The following CTNND2 variants were observed in gnomAD, a reference collection of about 807,000 sequenced individuals.
The protein encoded by CTNND2 is catenin delta 2.
In CTNND2, 22 loss-of-function variants were observed where a neutral mutation model predicts 144.4. That is an observed-to-expected ratio of 0.15 (90% CI 0.11 to 0.22). The LOEUF (loss-of-function observed/expected upper bound fraction) is 0.22, where lower values mean the gene tolerates loss of function less well. Among genes scored for constraint, CTNND2 ranks in the 10% least tolerant of loss-of-function variants. The pLI is 1.00. For missense variants in CTNND2, 1,353 were observed against 1,618.8 expected (o/e 0.84, Z 2.82); for synonymous variants, 751 against 695.6 (o/e 1.08, Z -1.25).
At position 10,988,154 on chromosome 5, in the gene CTNND2, G is replaced by A. The variant is rs376784475; in HGVS notation, c.3300C>T (p.His1100=). The A allele has an allele frequency of 3.3e-5, 54 of 1,614,108 alleles. No individual in the cohort carries two copies. The African/African-American group carries it at 4.0e-4, about 12-fold the overall frequency. Residue 1100 remains histidine (H), a synonymous_variant, in exon 20 of 22, where the codon CAC becomes CAT. Coordinates refer to ENST00000304623, the MANE Select transcript of CTNND2 (RefSeq NM_001332.4). This position sits in a 1 kb window ranked among gnomAD's most constrained non-coding sequence, Gnocchi z 5.9. ...YECTGSNATY[H]GAKGEHTSRK... ...TGGAAGTGTGTTCGCCTTTAGCTCC[G>A]TGGTAGGTGGCGTTGCTGCCGGTGC...
chr5:11,772,007 T>C (rs1250071932), intron 1 of CTNND2, among the ~76,000 whole-genome samples: 2 of 152,214 alleles, frequency 1.3e-5, no homozygotes, highest in Non-Finnish European at 2.9e-5. Flanking sequence ...TACTTCATTG[T>C]TTTATGAGGC....
At chr5:11,521,998 C>T (rs1309506507) in intron 3 of CTNND2, among the ~76,000 whole-genome samples, 1 of 152,132 alleles carries the variant, frequency 6.6e-6, no homozygotes, top group African/African-American at 2.4e-5. Context: ...TGAGACCAGC[C>T]TCACAGAGCA....
At chr5:11,280,093 C>A (rs1406157541) in intron 9 of CTNND2, among the ~76,000 whole-genome samples, 1 of 152,154 alleles carries the variant, frequency 6.6e-6, no homozygotes, top group Non-Finnish European at 1.5e-5. Context: ...CCCAGCCACA[C>A]TGAATTTTAA....
At chr5:11,287,029 G>A (rs1430569138) in intron 9 of CTNND2, among the ~76,000 whole-genome samples, 1 of 152,056 alleles carries the variant, frequency 6.6e-6, no homozygotes, top group African/African-American at 2.4e-5. Context: ...ACACCCACAT[G>A]GATAAATCTC....
chr5:11,901,459 C>A, intron 1 of CTNND2, among the ~76,000 whole-genome samples: 1 of 152,268 alleles, frequency 6.6e-6, no homozygotes. Context: ...ATTTTTGTCT[C>A]TGATGAACAA....
intron 1 of CTNND2, among the ~76,000 whole-genome samples, chr5:11,783,319 C>A (rs984151032): frequency 6.6e-6 from 1 of 152,114 alleles, no homozygotes; most frequent in Admixed American, 6.5e-5. Flanking sequence ...TTCATCTTGA[C>A]AGCTCTCCCC....
intron 16 of CTNND2, among the ~76,000 whole-genome samples, chr5:11,049,495 C>T (rs1024615): frequency 0.019 from 2,819 of 152,230 alleles, 97 homozygotes; most frequent in African/African-American, 0.064. Flanking sequence ...GTAAGGCTTG[C>T]CAAATGTGTT....
chr5:11,237,677 G>T (rs1741796388), intron 9 of CTNND2, among the ~76,000 whole-genome samples: 1 of 152,098 alleles, frequency 6.6e-6, no homozygotes, highest in African/African-American at 2.4e-5. Context: ...AAATGGATCA[G>T]GTATAGAGGT....
At chr5:11,750,009 T>G (rs918583376) in intron 1 of CTNND2, among the ~76,000 whole-genome samples, 1 of 152,016 alleles carries the variant, frequency 6.6e-6, no homozygotes, top group Non-Finnish European at 1.5e-5. Flanking sequence ...TCTGGGCAAG[T>G]GCTCACACTG....
intron 15 of CTNND2, among the ~76,000 whole-genome samples, chr5:11,093,566 AGAGT>A (rs1179334558): frequency 7.2e-5 from 11 of 152,296 alleles, no homozygotes; most frequent in African/African-American, 2.2e-4. Context: ...TCACAGAAAA[AGAGT>A]GTGCATGATC....
At chr5:11,726,469 T>C (rs1787024907) in intron 2 of CTNND2, among the ~76,000 whole-genome samples, 1 of 152,186 alleles carries the variant, frequency 6.6e-6, no homozygotes, top group East Asian at 1.9e-4. Context: ...TTGTGGTGAA[T>C]TTTCAAAATA....
Position 11,567,405 on chromosome 5 carries a change from A to T in CTNND2, c.175-2349T>A, listed in dbSNP as rs142327248. Among the ~76,000 whole-genome samples, 321 of 152,168 alleles carry T rather than the reference A, an allele frequency of 2.1e-3. 2 individuals carry two copies. Among genetic ancestry groups the T allele is most frequent in the African/African-American group, 7.2e-3 (299 of 41,528 alleles). On this transcript the variant is annotated intron_variant, in intron 2 of 21. Coordinates refer to ENST00000304623, the MANE Select transcript of CTNND2 (RefSeq NM_001332.4). ...AGATTCCAGCATATCTGAACATTTT[A>T]GGCCATTATTTCTTTATGAATTGTT...
At chr5:11,262,713 G>A (rs1171358874) in intron 9 of CTNND2, among the ~76,000 whole-genome samples, 3 of 121,240 alleles carry the variant, frequency 2.5e-5, no homozygotes, top group African/African-American at 9.7e-5. Context: ...AGTGAGTCGA[G>A]ACCGCACCAC....
At chr5:11,406,390 T>G (rs543494612) in intron 5 of CTNND2, among the ~76,000 whole-genome samples, 262 of 152,288 alleles carry the variant, frequency 1.7e-3, no homozygotes, top group African/African-American at 6.0e-3. Flanking sequence ...CCTTTTTCCC[T>G]GACCATGACT....
intron 1 of CTNND2, among the ~76,000 whole-genome samples, chr5:11,754,362 T>G (rs962392637): frequency 1.3e-5 from 2 of 151,414 alleles, no homozygotes; most frequent in Admixed American, 6.6e-5. Flanking sequence ...CCAGAAATTC[T>G]GATATGTTTT....
chr5:11,891,149 G>A (rs983526979), intron 1 of CTNND2, among the ~76,000 whole-genome samples: 1 of 152,160 alleles, frequency 6.6e-6, no homozygotes, highest in Non-Finnish European at 1.5e-5. Context: ...CACTTAAAAA[G>A]GAACTCTGGA....
chr5:11,745,408 C>T (rs2126773987), intron 1 of CTNND2, among the ~76,000 whole-genome samples: 1 of 152,276 alleles, frequency 6.6e-6, no homozygotes, highest in East Asian at 1.9e-4. Flanking sequence ...CTGAAGGCCA[C>T]TGGCATACGT....
chr5:11,296,372 T>G (rs1227469965), intron 9 of CTNND2, among the ~76,000 whole-genome samples: 1 of 152,168 alleles, frequency 6.6e-6, no homozygotes, highest in Non-Finnish European at 1.5e-5. Context: ...GGAACACTTT[T>G]ACACTGTTGG....
chr5:11,146,432 G>C (rs555715898), intron 12 of CTNND2, among the ~76,000 whole-genome samples: 1 of 152,254 alleles, frequency 6.6e-6, no homozygotes, highest in African/African-American at 2.4e-5. Flanking sequence ...TTCGAATTTT[G>C]GTTTGTGGCT....
Sources: allele counts gnomAD v4.1 joint callset (sites outside exome capture counted in the v4.1 genomes callset), GRCh38; gene constraint gnomAD v4.1.1; non-coding constraint Gnocchi (gnomAD v3.1); transcripts MANE v1.5; gene names NCBI Gene and HGNC (gene_info 2026-07-23, HGNC 2026-07-21).